The following PMFBP1 variants were observed in gnomAD, a reference collection of about 807,000 sequenced individuals.
PMFBP1 encodes the protein polyamine-modulated factor 1-binding protein 1.
A neutral mutation model predicts 137.8 loss-of-function variants in PMFBP1; 131 were observed. The ratio of observed to expected loss-of-function variants is 0.95; its 90% CI spans 0.82 to 1.10. The LOEUF (loss-of-function observed/expected upper bound fraction) is 1.10, where lower values mean the gene tolerates loss of function less well. PMFBP1 is among the 50% of genes least tolerant of loss of function. PMFBP1 has a pLI of 0.00. For synonymous variants in PMFBP1, 490 were observed against 450.4 expected, an observed-to-expected ratio of 1.09 and a Z score of -1.11; for missense variants, 1,199 against 1,175.4, an observed-to-expected ratio of 1.02 and a Z score of -0.29.
At chr16:72,209,944 G>A in the PMFBP1 span, among the ~76,000 whole-genome samples, 113 of 152,310 alleles carry the variant, frequency 7.4e-4, no homozygotes, top group African/African-American at 2.5e-3. Context: ...CTGCTGGGCC[G>A]TTCCCCCAGC....
chr16:72,140,652 T>A, intron 5 of PMFBP1, 70 bp from the exon 6 acceptor site: 1 of 1,401,178 alleles, frequency 7.1e-7, no homozygotes, highest in South Asian at 1.2e-5. Flanking sequence ...TCCATGAACA[T>A]GGAAAATCTC....
At chr16:72,184,990 T>C in the PMFBP1 span, among the ~76,000 whole-genome samples, 1 of 152,084 alleles carries the variant, frequency 6.6e-6, no homozygotes, top group Admixed American at 6.5e-5. Context: ...GTTCCTTAAA[T>C]GGTTTAGGAG....
In PMFBP1 at chr16:72,147,412, A is replaced by T. The variant is rs2042825606; in HGVS notation, c.636+3196T>A. On this transcript the variant is annotated intron_variant, in intron 5 of 20. Transcript: ENST00000237353. Reference sequence around the variant, plus strand: ...AGACTTAAATGTAAGACCTAAAACCATATAAACCCTAGAAGAAAACCTAGG... The same window carrying T: ...AGACTTAAATGTAAGACCTAAAACCTTATAAACCCTAGAAGAAAACCTAGG... Among the ~76,000 whole-genome samples the T allele has an allele frequency of 2.0e-5, 3 of 152,272 alleles. No homozygotes were observed. The South Asian group carries it at 6.2e-4, about 32-fold the overall frequency.
intron 3 of PMFBP1, 117 bp from the exon 4 acceptor site, chr16:72,154,576 C>G: frequency 3.3e-6 from 4 of 1,199,932 alleles, no homozygotes; most frequent in Non-Finnish European, 4.6e-6. Flanking sequence ...ATCTTTTTAT[C>G]TTTTCATCTA....
At chr16:72,219,584 T>C in the PMFBP1 span, among the ~76,000 whole-genome samples, 1 of 151,908 alleles carries the variant, frequency 6.6e-6, no homozygotes, top group Non-Finnish European at 1.5e-5. Context: ...ATGGAAAACA[T>C]GAGTGAGGAG....
rs536392720 is a variant in PMFBP1, at chr16:72,145,508, G to A, written c.637-4926C>T. 1.2e-4 allele frequency among the ~76,000 whole-genome samples: 19 copies of A among 152,244 alleles called. No individual in the cohort carries two copies. The South Asian group carries it at 2.9e-3, about 23-fold the overall frequency. On this transcript the variant is annotated intron_variant, in intron 5 of 20. Transcript: ENST00000237353. The stretch of plus-strand genomic sequence containing the variant: ...GAGCAAACAAATTCAAAAGCTAGCA[G>A]AAGACAAGAAATAACTAAGATCAGA...
At chr16:72,181,872 G>A (rs2043277409), upstream of PMFBP1, among the ~76,000 whole-genome samples, 1 of 152,172 alleles carries the variant, frequency 6.6e-6, no homozygotes, top group Admixed American at 6.5e-5. Flanking sequence ...TGTTTACAGG[G>A]GTGTCCAATC....
In PMFBP1 at chr16:72,127,763, C is replaced by G. The variant is rs192985310; in HGVS notation, c.2088+894G>C. Reference sequence around the variant, plus strand: ...TCATGAAGTCATCATTGATTCCTCACTTTCTCTCACATTCATTCCATCAGC... The same window carrying G: ...TCATGAAGTCATCATTGATTCCTCAGTTTCTCTCACATTCATTCCATCAGC... On this transcript the variant is annotated intron_variant, in intron 14 of 20. Coordinates refer to ENST00000237353, the MANE Select transcript of PMFBP1 (RefSeq NM_031293.3). Among the ~76,000 whole-genome samples, 109 of 152,368 alleles carry G rather than the reference C, an allele frequency of 7.2e-4. 4 individuals are homozygous for G. In the East Asian group the frequency reaches 0.019, roughly 27 times the overall value.
chr16:72,242,721 G>A, the PMFBP1 span, among the ~76,000 whole-genome samples: 1 of 152,194 alleles, frequency 6.6e-6, no homozygotes, highest in Non-Finnish European at 1.5e-5. Context: ...TGCTAACCAA[G>A]AAATGCGTGA....
At chr16:72,166,625 C>A (rs774802820) in intron 2 of PMFBP1, among the ~76,000 whole-genome samples, 1 of 152,118 alleles carries the variant, frequency 6.6e-6, no homozygotes, top group Non-Finnish European at 1.5e-5. Flanking sequence ...GGGTAAAAAC[C>A]AAGTATAGGT....
chr16:72,197,157 T>C, the PMFBP1 span, among the ~76,000 whole-genome samples: 3 of 152,130 alleles, frequency 2.0e-5, no homozygotes, highest in Admixed American at 2.0e-4. Context: ...AAGAAGATCA[T>C]GGAGATTTTA....
chr16:72,173,052 C>CAGG (rs2043235851), upstream of PMFBP1, among the ~76,000 whole-genome samples: 1 of 152,194 alleles, frequency 6.6e-6, no homozygotes, highest in Non-Finnish European at 1.5e-5. Flanking sequence ...GAACACTAAA[C>CAGG]AGGATTCTAG....
At chr16:72,128,333 A>G in intron 14 of PMFBP1, 1 of 1,265,164 alleles carries the variant, frequency 7.9e-7, no homozygotes, top group East Asian at 3.9e-5. Context: ...CAAGTTTTGG[A>G]AGTGTTCCCT....
rs1281653274 is a variant in PMFBP1, at chr16:72,132,772, C to T, written c.1423G>A (p.Ala475Thr). ...VQKLKNSLEE[A>T]KQQERLAAQQ... ...CCAGCCAGCCTCTCCTGCTGCTTGG[C>T]CTCTTCGAGACTGTTCTTCAGCTTC... The change falls in exon 10 of 21, where the codon GCC becomes ACC. Residue 475 changes from alanine (A) to threonine (T), a missense_variant. By Grantham distance (58) the Ala-to-Thr change is moderately conservative (BLOSUM62 0). Coordinates refer to ENST00000237353, the MANE Select transcript of PMFBP1 (RefSeq NM_031293.3). 1 of 1,614,082 alleles carries T rather than the reference C, an allele frequency of 6.2e-7. No homozygotes were observed. Among genetic ancestry groups the T allele is most frequent in the African/African-American group, 1.3e-5 (1 of 74,940 alleles).
the PMFBP1 span, among the ~76,000 whole-genome samples, chr16:72,189,030 C>G: frequency 6.6e-6 from 1 of 151,768 alleles, no homozygotes; most frequent in Non-Finnish European, 1.5e-5. Context: ...TGATTAAAAG[C>G]TTGGGCATTT....
the PMFBP1 span, among the ~76,000 whole-genome samples, chr16:72,197,444 G>A: frequency 6.6e-6 from 1 of 152,230 alleles, no homozygotes. Context: ...GAAGCCAGCA[G>A]GCATATACAC....
At chr16:72,182,500 A>G in the PMFBP1 span, among the ~76,000 whole-genome samples, 1 of 151,558 alleles carries the variant, frequency 6.6e-6, no homozygotes, top group African/African-American at 2.4e-5. Flanking sequence ...TGCCTCAAAA[A>G]AAAAAAAAAA....
At chr16:72,146,624 C>T (rs941658840) in intron 5 of PMFBP1, among the ~76,000 whole-genome samples, 1 of 152,080 alleles carries the variant, frequency 6.6e-6, no homozygotes, top group Non-Finnish European at 1.5e-5. Context: ...TTTAGAAAAC[C>T]CCATCGTCTC....
intron 20 of PMFBP1, 176 bp downstream of exon 20, chr16:72,119,675 G>T (rs1293315807): frequency 3.4e-6 from 5 of 1,452,456 alleles, no homozygotes. Flanking sequence ...GATCAGAAGG[G>T]GTCTTAATTT....
Sources: gnomAD v4.1 joint callset for allele counts (sites outside exome capture counted in the v4.1 genomes callset) on GRCh38, gnomAD v4.1.1 for gene constraint, MANE v1.5 for transcripts, NCBI Gene and HGNC (gene_info 2026-07-23, HGNC 2026-07-21) for gene names.